Variants in DOCK4 observed in about 807,000 individuals in gnomAD.
The protein encoded by DOCK4 is dedicator of cytokinesis protein 4.
DOCK4 carries 97 observed loss-of-function variants against 268.1 expected under a neutral mutation model. That is an observed-to-expected ratio of 0.36 (90% CI 0.31 to 0.43). DOCK4 has a LOEUF of 0.43. Ranked by LOEUF, DOCK4 falls within the 20% of genes least tolerant of loss-of-function variation. The pLI, the probability that DOCK4 is intolerant of heterozygous loss-of-function variation, is 1.00. For synonymous variants in DOCK4, 954 were observed against 887.2 expected, an observed-to-expected ratio of 1.08 and a Z score of -1.34; for missense variants, 2,145 against 2,455.7, an observed-to-expected ratio of 0.87 and a Z score of 2.67.
At chr7:112,188,948 C>T (rs1388405537) in intron 1 of DOCK4, among the ~76,000 whole-genome samples, 2 of 152,190 alleles carry the variant, frequency 1.3e-5, no homozygotes, top group Admixed American at 1.3e-4. Context: ...CACACCACTG[C>T]AAATGAGAAA....
At chr7:111,775,027 A>G (rs780247937) in intron 36 of DOCK4, among the ~76,000 whole-genome samples, 5 of 152,254 alleles carry the variant, frequency 3.3e-5, no homozygotes, top group Non-Finnish European at 7.3e-5. Context: ...AGAGGCAGAC[A>G]GGTGAGAAAT....
intron 1 of DOCK4, chr7:112,023,757 G>T (rs1389390879): frequency 3.4e-6 from 1 of 292,566 alleles, no homozygotes; most frequent in Non-Finnish European, 7.0e-6. Context: ...TCTGCAACTT[G>T]AAAATCCATA....
chr7:111,734,536 CA>C (rs2133385362), intron 51 of DOCK4, among the ~76,000 whole-genome samples: 1 of 152,310 alleles, frequency 6.6e-6, no homozygotes, highest in South Asian at 2.1e-4. Flanking sequence ...TACCCTGAAT[CA>C]ACCCTTTGCG....
chr7:111,882,225 A>G (rs1807450314), intron 16 of DOCK4, among the ~76,000 whole-genome samples: 2 of 152,228 alleles, frequency 1.3e-5, no homozygotes, highest in South Asian at 2.1e-4. Flanking sequence ...CACAAAAATT[A>G]AAAATGAGAA....
chr7:111,904,611 T>A (rs1791408385), intron 13 of DOCK4, among the ~76,000 whole-genome samples: 1 of 152,104 alleles, frequency 6.6e-6, no homozygotes, highest in Non-Finnish European at 1.5e-5. Context: ...AATTCTCCTA[T>A]CTCTTCTTTA....
In DOCK4 at chr7:111,739,697, T is replaced by G. The variant is rs1795765676; in HGVS notation, c.5041-220A>C. 3 of 553,580 alleles carry G rather than the reference T, an allele frequency of 5.4e-6. No individual in the cohort carries two copies. The East Asian group carries it at 9.5e-5, about 18-fold the overall frequency. 34.3% of individuals were successfully genotyped at this position (553,580 alleles called of 1,614,324 possible). On this transcript the variant is annotated intron_variant, in intron 47 of 52. Transcript: ENST00000428084. ...GCCAAAGGAATGCCTTCGTGTTAGA[T>G]TCAGCTATACACTGTGACTTCGTAC...
intron 8 of DOCK4, among the ~76,000 whole-genome samples, chr7:111,955,487 A>G (rs1326889801): frequency 6.6e-6 from 1 of 152,208 alleles, no homozygotes; most frequent in African/African-American, 2.4e-5. Context: ...ACACAACAGG[A>G]GACATATTTT....
At chr7:111,814,724 T>C (rs1801410299) in intron 27 of DOCK4, among the ~76,000 whole-genome samples, 1 of 152,152 alleles carries the variant, frequency 6.6e-6, no homozygotes, top group African/African-American at 2.4e-5. Context: ...ATTAGGACGA[T>C]TTGTATGGGG....
intron 8 of DOCK4, among the ~76,000 whole-genome samples, chr7:111,959,047 C>T (rs117290331): frequency 0.011 from 1,723 of 152,212 alleles, 10 homozygotes; most frequent in Non-Finnish European, 0.017. Context: ...ATTTCATGCA[C>T]CTGCTGGAAC....
chr7:112,016,122 C>T (rs1314570183), intron 1 of DOCK4, among the ~76,000 whole-genome samples: 3 of 152,246 alleles, frequency 2.0e-5, no homozygotes, highest in Non-Finnish European at 4.4e-5. Context: ...AATTTCACCA[C>T]TTGTCCAACT....
intron 12 of DOCK4, among the ~76,000 whole-genome samples, chr7:111,934,523 G>GTTTTTTTTTTTTTTTTT (rs1183672033): frequency 1.1e-4 from 9 of 83,874 alleles, no homozygotes; most frequent in East Asian, 2.8e-4. Flanking sequence ...TTTTGTTTTT[G>GTTTTTTTTTTTTTTTTT]TTTTTTTTTT....
intron 23 of DOCK4, among the ~76,000 whole-genome samples, chr7:111,860,042 C>CA (rs1288687352): frequency 6.6e-6 from 1 of 152,140 alleles, no homozygotes; most frequent in Non-Finnish European, 1.5e-5. Flanking sequence ...TGAGATGTAC[C>CA]AAGGCCCTTG....
intron 12 of DOCK4, among the ~76,000 whole-genome samples, chr7:111,927,881 G>A (rs1039959622): frequency 2.0e-5 from 3 of 152,100 alleles, no homozygotes; most frequent in African/African-American, 7.2e-5. Flanking sequence ...GTCATAAGAA[G>A]TGCCCTCCGT....
intron 42 of DOCK4, among the ~76,000 whole-genome samples, chr7:111,750,002 T>G (rs1460186923): frequency 6.6e-6 from 1 of 152,200 alleles, no homozygotes; most frequent in Non-Finnish European, 1.5e-5. Context: ...TGTGCAAAGA[T>G]ATGTGATAGA....
chr7:112,170,978 C>T (rs1818036198), intron 1 of DOCK4, among the ~76,000 whole-genome samples: 1 of 151,968 alleles, frequency 6.6e-6, no homozygotes, highest in Admixed American at 6.6e-5. Context: ...CAAATCACAA[C>T]ACACACACAC....
At chr7:112,128,457 C>T (rs36022178) in intron 1 of DOCK4, among the ~76,000 whole-genome samples, 328 of 152,146 alleles carry the variant, frequency 2.2e-3, no homozygotes, top group Middle Eastern at 0.017. Context: ...ATGACAATGG[C>T]GGCTTTGTGG....
At chr7:111,992,135 T>C (rs1799593605) in intron 5 of DOCK4, among the ~76,000 whole-genome samples, 2 of 152,234 alleles carry the variant, frequency 1.3e-5, no homozygotes, top group Admixed American at 1.3e-4. Flanking sequence ...TTAGAGACCA[T>C]TATTTAGGTC....
At chr7:112,009,970 C>T (rs1243697358) in intron 1 of DOCK4, among the ~76,000 whole-genome samples, 1 of 152,164 alleles carries the variant, frequency 6.6e-6, no homozygotes, top group East Asian at 1.9e-4. Context: ...GCGTTCGCCA[C>T]CACACCTGGC....
intron 1 of DOCK4, among the ~76,000 whole-genome samples, chr7:112,013,978 G>A (rs1801588031): frequency 6.6e-6 from 1 of 152,130 alleles, no homozygotes; most frequent in African/African-American, 2.4e-5. Context: ...ACACCTAGTG[G>A]GTACTCAACA....
Sources: gnomAD v4.1 joint callset for allele counts (sites outside exome capture counted in the v4.1 genomes callset) on GRCh38, gnomAD v4.1.1 for gene constraint, MANE v1.5 for transcripts, NCBI Gene and HGNC (gene_info 2026-07-23, HGNC 2026-07-21) for gene names.